The following SH2B3 variants were observed in gnomAD, a reference collection of about 807,000 sequenced individuals.
SH2B3 encodes SH2B adaptor protein 3.
SH2B3 carries 43 observed loss-of-function variants against 51.9 expected under a neutral mutation model. The observed-to-expected ratio is 0.83, with a 90% CI of 0.65 to 1.07. The LOEUF (loss-of-function observed/expected upper bound fraction) is 1.07. Among genes scored for constraint, SH2B3 ranks in the 50% least tolerant of loss-of-function variants. The pLI is 0.00. For synonymous variants in SH2B3, 396 were observed against 376.0 expected (o/e 1.05, Z -0.62); for missense variants, 952 against 834.3 (o/e 1.14, Z -1.74).
rs1158761570 is a variant in SH2B3, at chr12:111,406,230, G to A, written c.-75G>A. Reference sequence around the variant, plus strand: ...CCCCTCGGGATTTCGAGGGCCCGGGGGCGCGCGACGCCATGGGCCGGCCGG... The same window carrying A: ...CCCCTCGGGATTTCGAGGGCCCGGGAGCGCGCGACGCCATGGGCCGGCCGG... On this transcript the variant is annotated 5_prime_UTR_variant, in exon 1 of 8. Transcript: ENST00000341259. The surrounding 1 kb of genome is among the most constrained non-coding windows in gnomAD (Gnocchi z 5.7). The A allele has an allele frequency of 1.3e-5, 2 of 152,042 alleles. No individual in the cohort carries two copies. Among genetic ancestry groups the A allele is most frequent in the African/African-American group, 4.8e-5 (2 of 41,438 alleles). 9.4% of individuals were successfully genotyped at this position (152,042 alleles called of 1,614,324 possible).
chr12:111,417,117 G>C (rs1255809162), intron 1 of SH2B3, among the ~76,000 whole-genome samples: 1 of 152,054 alleles, frequency 6.6e-6, no homozygotes, highest in East Asian at 1.9e-4. Flanking sequence ...GAGGTGGTGG[G>C]GTGGGTCTTC....
Position 111,448,002 on chromosome 12 carries a change from C to A in SH2B3, c.1428C>A (p.Leu476=). ...SQPPGSCNTV[L]FPFSLPHWDS... ...TCCTAGGTTCCTGCAACACGGTCCT[C>A]TTCCCTTTCTCCCTTCCTCACTGGG... Residue 476 remains leucine, a synonymous_variant, in exon 8 of 8, where the codon CTC becomes CTA. Coordinates refer to ENST00000341259, the MANE Select transcript of SH2B3 (RefSeq NM_005475.3). The A allele has an allele frequency of 1.9e-6, 3 of 1,611,750 alleles. No individual in the cohort carries two copies. The highest frequency in any genetic ancestry group is 2.5e-6 in the Non-Finnish European group (3 of 1,178,566).
At chr12:111,424,331 G>A (rs1225641771) in intron 2 of SH2B3, among the ~76,000 whole-genome samples, 1 of 152,038 alleles carries the variant, frequency 6.6e-6, no homozygotes, top group African/African-American at 2.4e-5. Flanking sequence ...GAGCGCATGT[G>A]CCACGTGCCT....
rs201252299 is a variant in SH2B3, at chr12:111,418,094, G to A, written c.-27-25G>A. The A allele has an allele frequency of 2.2e-4, 322 of 1,465,852 alleles. No individual in the cohort carries two copies. Among genetic ancestry groups the A allele is most frequent in the Non-Finnish European group, 2.8e-4 (310 of 1,118,866 alleles). 90.8% of individuals were successfully genotyped at this position (1,465,852 alleles called of 1,614,324 possible). ...CTTGCCCACCTGCTTACTCCTTGTC[G>A]CCCCCCCACCCACGTGTCTTTCAGC... On this transcript the variant is annotated intron_variant, in intron 1 of 7. Transcript: ENST00000341259. This position sits in a 1 kb window ranked among gnomAD's most constrained non-coding sequence, Gnocchi z 6.7.
In SH2B3 at chr12:111,448,421, C is replaced by T; in HGVS notation, c.*119C>T. The T allele has an allele frequency of 1.2e-6, 1 of 801,934 alleles. No homozygotes were observed. The highest frequency in any genetic ancestry group is 2.0e-6 in the Non-Finnish European group (1 of 511,672). 49.7% of individuals were successfully genotyped at this position (801,934 alleles called of 1,614,324 possible). A position where few individuals can be genotyped will look rare whatever the true frequency, so the allele number is the denominator to read the frequency against. On this transcript the variant is annotated 3_prime_UTR_variant, in exon 8 of 8. Coordinates refer to ENST00000341259, the MANE Select transcript of SH2B3 (RefSeq NM_005475.3). ...AGAAAGATTTAAGGGACACTGTTAACTGCTCGTGCCAGTTTGGAAGTGACC... is the reference window on the plus strand; with the variant it reads ...AGAAAGATTTAAGGGACACTGTTAATTGCTCGTGCCAGTTTGGAAGTGACC...
upstream of SH2B3, among the ~76,000 whole-genome samples, chr12:111,405,210 C>A (rs1870160950): frequency 6.6e-6 from 1 of 152,220 alleles, no homozygotes; most frequent in East Asian, 1.9e-4. This position sits in a 1 kb window ranked among gnomAD's most constrained non-coding sequence, Gnocchi z 5.4. Context: ...GAAAGATGCA[C>A]CCCTCCTAGA....
chr12:111,423,432 C>A (rs1044385397), intron 2 of SH2B3, among the ~76,000 whole-genome samples: 1 of 152,120 alleles, frequency 6.6e-6, no homozygotes, highest in South Asian at 2.1e-4. Context: ...TGCAGTGGCA[C>A]GGTGTCAGCT....
chr12:111,446,713 A>G, intron 2 of SH2B3, 40 bp from the exon 3 acceptor site: 1 of 1,162,034 alleles, frequency 8.6e-7, no homozygotes, highest in East Asian at 2.4e-5. Flanking sequence ...AAGAAAGAGC[A>G]TCAGGAACAA....
At chr12:111,405,726 C>T (rs887055936), upstream of SH2B3, among the ~76,000 whole-genome samples, 4 of 152,198 alleles carry the variant, frequency 2.6e-5, no homozygotes, top group South Asian at 6.2e-4. This position sits in a 1 kb window ranked among gnomAD's most constrained non-coding sequence, Gnocchi z 5.4. Context: ...GGAGAGCCCT[C>T]CGACCCTGGC....
In SH2B3 at chr12:111,407,772, A is replaced by G. The variant is rs1593023558; in HGVS notation, c.-28+1495A>G. On this transcript the variant is annotated intron_variant, in intron 1 of 7. Transcript: ENST00000341259. The surrounding 1 kb of genome is among the most constrained non-coding windows in gnomAD (Gnocchi z 4.3). ...CGGCCAGCTGGGAAGGGGCTGGCTC[A>G]GAGCATCAGCAGCTGGGGGCTCAGG... Among the ~76,000 whole-genome samples, 1 of 152,120 alleles carries G rather than the reference A, an allele frequency of 6.6e-6. No individual in the cohort carries two copies. Among genetic ancestry groups the G allele is most frequent in the East Asian group, 1.9e-4 (1 of 5,132 alleles).
chr12:111,411,758 G>A (rs1301638734), intron 1 of SH2B3, among the ~76,000 whole-genome samples: 6 of 152,142 alleles, frequency 3.9e-5, no homozygotes, highest in South Asian at 2.1e-4. Flanking sequence ...GCTGGTGGGC[G>A]TGCAGCTAGC....
chr12:111,425,804 C>T (rs916884629), intron 2 of SH2B3, among the ~76,000 whole-genome samples: 11 of 152,230 alleles, frequency 7.2e-5, no homozygotes, highest in East Asian at 1.9e-4. Flanking sequence ...CCTCCTTCCC[C>T]TGGGCACCGC....
Position 111,445,841 on chromosome 12 carries a change from C to T in SH2B3, c.733-912C>T, listed in dbSNP as rs374117315. ...CTGTGTGTAAAGCAAGGTTAAGCAT[C>T]TGGTTTTGGGGGTCAATTCAACAGC... On this transcript the variant is annotated intron_variant, in intron 2 of 7. Transcript: ENST00000341259. Among the ~76,000 whole-genome samples, 6 of 152,364 alleles carry T rather than the reference C, an allele frequency of 3.9e-5. 1 individual carries two copies. The South Asian group carries it at 1.2e-3, about 32-fold the overall frequency.
In SH2B3 at chr12:111,447,171, C is replaced by T. The variant is rs760566192; in HGVS notation, c.973C>T (p.Pro325Ser). 2 of 1,614,066 alleles carry T rather than the reference C, an allele frequency of 1.2e-6. No individual in the cohort carries two copies. The highest frequency in any genetic ancestry group is 8.5e-7 in the Non-Finnish European group (1 of 1,179,924). ...GATGCATATTCCCTCAGCCCTAGAG[C>T]CTAGCACGTCCAGCTCCCCAAGGGG... ...AEMHIPSALE[P>S]STSSSPRGST... is the part of the protein sequence containing the mutation. Residue 325 changes from proline (P) to serine (S), a missense_variant, in exon 5 of 8, where the codon CCT becomes TCT. Pro to Ser is a moderately conservative substitution (Grantham distance 74). Transcript: ENST00000341259.
chr12:111,447,437 C>G lies in SH2B3; in HGVS notation c.1129C>G (p.Leu377Val). The stretch of plus-strand genomic sequence containing the variant: ...CATCTCCAGAGTGAAAGCAGCTCAG[C>G]TGGTTCAGCTGCAGGGCCCTGATGC... The part of the protein sequence containing the change: ...GPISRVKAAQ[L>V]VQLQGPDAHG... Residue 377 changes from leucine to valine, a missense_variant, in exon 6 of 8, where the codon CTG becomes GTG. Physicochemically the swap from Leu to Val is conservative, Grantham distance 32 (BLOSUM62 1). Coordinates refer to ENST00000341259, the MANE Select transcript of SH2B3 (RefSeq NM_005475.3). 2 of 1,613,936 alleles carry G rather than the reference C, an allele frequency of 1.2e-6. No individual in the cohort carries two copies. The highest frequency in any genetic ancestry group is 1.7e-6 in the Non-Finnish European group (2 of 1,179,918).
Position 111,449,084 on chromosome 12 carries a change from A to G in SH2B3, c.*782A>G, listed in dbSNP as rs1014957293. On this transcript the variant is annotated 3_prime_UTR_variant, in exon 8 of 8. Transcript: ENST00000341259. The stretch of plus-strand genomic sequence containing the variant: ...CACTGAGTGGCCACTGTCCTTCCTA[A>G]ATGTCAAGAAGTGAAGTATGTCACC... 2.0e-5 allele frequency: 3 copies of G among 152,604 alleles called. No homozygotes were observed. The highest frequency in any genetic ancestry group is 7.2e-5 in the African/African-American group (3 of 41,442). The allele number at this position is 152,604 out of a possible 1,614,324, so 9.5% of individuals were successfully genotyped here.
In SH2B3 at chr12:111,429,133, GCCT is replaced by G; in HGVS notation, c.732+10257_732+10259del. On this transcript the variant is annotated intron_variant, in intron 2 of 7. Transcript: ENST00000341259. The surrounding 1 kb of genome is among the most constrained non-coding windows in gnomAD (Gnocchi z 4.4). Reference sequence around the variant, plus strand: ...CCCTGGCCTGCCCCTGCCCTTCTGAGCCTGTGACCCGGGGGAAGGCACTTTGCC... The same window carrying G: ...CCCTGGCCTGCCCCTGCCCTTCTGAGGTGACCCGGGGGAAGGCACTTTGCC... Among the ~76,000 whole-genome samples the G allele has an allele frequency of 6.6e-6, 1 of 151,920 alleles. No homozygotes were observed. The highest frequency in any genetic ancestry group is 1.5e-5 in the Non-Finnish European group (1 of 67,952).
At position 111,445,488 on chromosome 12, in the gene SH2B3, G is replaced by A. The variant is rs1873859428; in HGVS notation, c.733-1265G>A. On this transcript the variant is annotated intron_variant, in intron 2 of 7. Transcript: ENST00000341259. ...CCTGGCTGCTGGACCTCTGGGAGTA[G>A]GAGGTGAAAATGCCCTGGCTGGTGC... Among the ~76,000 whole-genome samples the A allele has an allele frequency of 2.6e-5, 4 of 152,262 alleles. 1 individual carries two copies. The highest frequency in any genetic ancestry group is 9.6e-5 in the African/African-American group (4 of 41,468).
At chr12:111,431,072 C>T (rs1441972652) in intron 2 of SH2B3, among the ~76,000 whole-genome samples, 2 of 152,186 alleles carry the variant, frequency 1.3e-5, no homozygotes, top group African/African-American at 4.8e-5. Context: ...GCCACCTCAG[C>T]TTCCTTTCTG....
Sources: gnomAD v4.1 joint callset for allele counts (sites outside exome capture counted in the v4.1 genomes callset) on GRCh38, gnomAD v4.1.1 for gene constraint, Gnocchi (gnomAD v3.1) non-coding constraint, MANE v1.5 for transcripts, NCBI Gene and HGNC (gene_info 2026-07-23, HGNC 2026-07-21) for gene names.